FRMD4B: variants seen among roughly 807,000 people sequenced by gnomAD.
The protein encoded by FRMD4B is FERM domain-containing protein 4B.
Under a neutral mutation model 141.5 loss-of-function variants are expected in FRMD4B, and 74 were observed. The ratio of observed to expected loss-of-function variants is 0.52; its 90% confidence interval spans 0.43 to 0.63. The LOEUF is 0.63. Ranked by LOEUF, FRMD4B falls within the 30% of genes least tolerant of loss-of-function variation. The pLI is 0.00. For synonymous variants in FRMD4B, 506 were observed against 467.9 expected (o/e 1.08, Z -1.05); for missense variants, 1,366 against 1,253.4 (o/e 1.09, Z -1.36).
At chr3:69,461,810 G>A (rs887981976) in intron 1 of FRMD4B, among the ~76,000 whole-genome samples, 8 of 151,908 alleles carry the variant, frequency 5.3e-5, no homozygotes, top group African/African-American at 1.2e-4. Flanking sequence ...TTTCCAGGAC[G>A]GCCCCAGTTT....
intron 2 of FRMD4B, among the ~76,000 whole-genome samples, chr3:69,415,215 T>G (rs535736544): frequency 6.6e-6 from 1 of 152,132 alleles, no homozygotes; most frequent in African/African-American, 2.4e-5. Flanking sequence ...AAGAAAGAAA[T>G]AGTCAACATC....
chr3:69,354,322 T>A (rs1703250698), intron 1 of FRMD4B, among the ~76,000 whole-genome samples: 1 of 152,064 alleles, frequency 6.6e-6, no homozygotes, highest in Admixed American at 6.5e-5. Context: ...TATAGAATAC[T>A]GGAAAAATAA....
rs546668799 is a variant in FRMD4B, at chr3:69,399,081, G to A, written c.-1+33553C>T. 1.0e-3 allele frequency among the ~76,000 whole-genome samples: 156 copies of A among 152,226 alleles called. 1 individual carries two copies. The South Asian group carries it at 0.022, about 21-fold the overall frequency. ...TTACTTGGAACAAATAAATCTTAAG[G>A]GAAGAAGCCCAAATGCAATAATTGT... On this transcript the variant is annotated intron_variant, in intron 2 of 5. Coordinates refer to the FRMD4B transcript ENST00000459638.
intron 2 of FRMD4B, among the ~76,000 whole-genome samples, chr3:69,423,277 G>A (rs896463226): frequency 7.9e-5 from 12 of 152,194 alleles, no homozygotes; most frequent in Admixed American, 7.9e-4. Context: ...GCCTCCCAAA[G>A]CGCTGCAATT....
chr3:69,228,297 T>A (rs2093273624), intron 7 of FRMD4B: 1 of 456,530 alleles, frequency 2.2e-6, no homozygotes. Flanking sequence ...CTTACAGAAT[T>A]TTTCTCTTAT....
At chr3:69,351,018 A>G (rs1703128622) in intron 1 of FRMD4B, among the ~76,000 whole-genome samples, 1 of 152,118 alleles carries the variant, frequency 6.6e-6, no homozygotes, top group Non-Finnish European at 1.5e-5. Flanking sequence ...AAAATAAACC[A>G]ATACAAGACA....
At position 69,216,277 on chromosome 3, in the gene FRMD4B, C is replaced by T; in HGVS notation, c.862G>A (p.Val288Met). 2 of 1,551,668 alleles carry T rather than the reference C, an allele frequency of 1.3e-6. No homozygotes were observed. Among genetic ancestry groups the T allele is most frequent in the Middle Eastern group, 1.7e-4 (1 of 5,956 alleles). Residue 288 changes from valine (V) to methionine (M), a missense_variant, in exon 11 of 23, where the codon GTG (valine) becomes ATG (methionine). Coordinates refer to ENST00000398540, the MANE Select transcript of FRMD4B (RefSeq NM_015123.3). ...GIGQYDIQDK[V>M]KPRKLFQWKQ... ...TCCACACTTACCTTCCGAGGCTTCA[C>T]CTTGTCTTGTATATCATATTGGCCA...
At chr3:69,283,975 C>CAAAAAAAAAAAAAAAAAA (rs544611686) in intron 5 of FRMD4B, among the ~76,000 whole-genome samples, 3 of 147,270 alleles carry the variant, frequency 2.0e-5, no homozygotes, top group Non-Finnish European at 3.0e-5. Flanking sequence ...CAAAACAAAA[C>CAAAAAAAAAAAAAAAAAA]AAAAAAAACA....
chr3:69,349,412 A>C (rs948216147), intron 1 of FRMD4B, among the ~76,000 whole-genome samples: 14 of 152,260 alleles, frequency 9.2e-5, no homozygotes, highest in African/African-American at 3.4e-4. Flanking sequence ...GGTAATTTAT[A>C]GATTCAAAGC....
At chr3:69,338,760 A>G (rs1463161467) in intron 1 of FRMD4B, among the ~76,000 whole-genome samples, 1 of 152,184 alleles carries the variant, frequency 6.6e-6, no homozygotes, top group East Asian at 1.9e-4. Context: ...TGAGTAACAA[A>G]ATAATATGTA....
intron 1 of FRMD4B, among the ~76,000 whole-genome samples, chr3:69,322,410 C>G (rs905091216): frequency 1.2e-4 from 18 of 152,110 alleles, no homozygotes; most frequent in African/African-American, 3.9e-4. Flanking sequence ...AAGACAGTGC[C>G]TACCCTCCCA....
chr3:69,215,949 T>A (rs1383387252), intron 11 of FRMD4B, among the ~76,000 whole-genome samples: 1 of 151,750 alleles, frequency 6.6e-6, no homozygotes, highest in Non-Finnish European at 1.5e-5. Flanking sequence ...AGGTCAGAAG[T>A]TTGAGACCAG....
chr3:69,308,795 G>A (rs910639011), intron 3 of FRMD4B, among the ~76,000 whole-genome samples: 1 of 151,904 alleles, frequency 6.6e-6, no homozygotes, highest in Non-Finnish European at 1.5e-5. Flanking sequence ...CCCCACCTCA[G>A]GACTTTTGCA....
chr3:69,221,544 C>G lies in FRMD4B; in HGVS notation c.731+314G>C, dbSNP rs148629887. On this transcript the variant is annotated intron_variant, in intron 9 of 22. Transcript: ENST00000398540. Reference sequence around the variant, plus strand: ...AAACAAAGGATCTGGCAACATTATGCCTGAATTCTAAAGCTGAGTAACCTT... The same window carrying G: ...AAACAAAGGATCTGGCAACATTATGGCTGAATTCTAAAGCTGAGTAACCTT... Among the ~76,000 whole-genome samples the G allele has an allele frequency of 3.0e-3, 457 of 152,236 alleles. 2 individuals are homozygous for G. The highest frequency in any genetic ancestry group is 6.1e-3 in the Admixed American group (93 of 15,288).
chr3:69,368,094 T>C (rs550974009), intron 1 of FRMD4B, among the ~76,000 whole-genome samples: 5 of 152,350 alleles, frequency 3.3e-5, no homozygotes, highest in Admixed American at 2.6e-4. Context: ...TTTTCTAAAC[T>C]ATAATTTATT....
At chr3:69,376,688 A>T (rs982840290) in intron 1 of FRMD4B, 4 of 145,816 alleles carry the variant, frequency 2.7e-5, no homozygotes, top group African/African-American at 1.0e-4. Context: ...TCTGTTATGT[A>T]TGTACATATA....
chr3:69,270,808 C>T (rs2106929455), intron 5 of FRMD4B, among the ~76,000 whole-genome samples: 1 of 152,236 alleles, frequency 6.6e-6, no homozygotes, highest in East Asian at 1.9e-4. Flanking sequence ...TCGTGATCCG[C>T]CCGCCTCGGC....
At chr3:69,288,195 A>G (rs548723046) in intron 4 of FRMD4B, among the ~76,000 whole-genome samples, 2 of 152,354 alleles carry the variant, frequency 1.3e-5, no homozygotes, top group East Asian at 3.9e-4. Flanking sequence ...GCGCAGATGA[A>G]CTAGGAGTTG....
At chr3:69,395,824 A>G (rs1447507184) in intron 2 of FRMD4B, among the ~76,000 whole-genome samples, 1 of 152,208 alleles carries the variant, frequency 6.6e-6, no homozygotes, top group African/African-American at 2.4e-5. Flanking sequence ...CCTCAGACTA[A>G]GAGTTCAGGG....
Sources: allele counts gnomAD v4.1 joint callset (sites outside exome capture counted in the v4.1 genomes callset), GRCh38; gene constraint gnomAD v4.1.1; transcripts MANE v1.5; gene names NCBI Gene and HGNC (gene_info 2026-07-23, HGNC 2026-07-21).